The following SORCS2 variants were observed in gnomAD, a reference collection of about 807,000 sequenced individuals.
The protein encoded by SORCS2 is VPS10 domain-containing receptor SorCS2.
SORCS2 carries 100 observed loss-of-function variants against 141.6 expected under a neutral mutation model. That is an observed-to-expected ratio of 0.71 (90% confidence interval 0.60 to 0.83). The LOEUF is 0.83. SORCS2 is among the 40% of genes least tolerant of loss of function. The pLI, the probability that SORCS2 is intolerant of heterozygous loss-of-function variation, is 0.00. For missense variants in SORCS2, 1,646 were observed against 1,560.2 expected, an observed-to-expected ratio of 1.05 and a Z score of -0.93; for synonymous variants, 789 against 676.9, an observed-to-expected ratio of 1.17 and a Z score of -2.57.
At chr4:7,413,088 T>G (rs1725432573) in intron 2 of SORCS2, among the ~76,000 whole-genome samples, 1 of 152,128 alleles carries the variant, frequency 6.6e-6, no homozygotes, top group African/African-American at 2.4e-5. Flanking sequence ...TGGGTAGTGC[T>G]TTAAGAATCT....
chr4:7,715,946 A>G (rs1043016835), intron 17 of SORCS2, among the ~76,000 whole-genome samples: 6 of 152,158 alleles, frequency 3.9e-5, no homozygotes, highest in African/African-American at 1.4e-4. Flanking sequence ...TCCACAACAC[A>G]CAGTAGGTGT....
At chr4:7,618,773 G>C (rs549371925) in intron 3 of SORCS2, among the ~76,000 whole-genome samples, 1 of 152,064 alleles carries the variant, frequency 6.6e-6, no homozygotes, top group Non-Finnish European at 1.5e-5. Flanking sequence ...TATATTTGCC[G>C]TGGTTTTTTT....
intron 2 of SORCS2, among the ~76,000 whole-genome samples, chr4:7,507,771 G>C (rs1459423867): frequency 1.3e-5 from 2 of 152,112 alleles, no homozygotes; most frequent in Non-Finnish European, 2.9e-5. Flanking sequence ...AAGGCATGCT[G>C]TGTCTCTCAT....
intron 1 of SORCS2, among the ~76,000 whole-genome samples, chr4:7,265,586 G>A (rs1714671626): frequency 1.3e-5 from 2 of 152,140 alleles, no homozygotes; most frequent in Admixed American, 1.3e-4. Flanking sequence ...GGCTCCAGAT[G>A]TTCCCAGGCT....
chr4:7,705,658 G>A (rs1169614338), intron 14 of SORCS2, among the ~76,000 whole-genome samples: 1 of 152,170 alleles, frequency 6.6e-6, no homozygotes, highest in Non-Finnish European at 1.5e-5. Flanking sequence ...TATGGACTGG[G>A]ACTACACTCT....
intron 25 of SORCS2, 69 bp from the exon 26 acceptor site, chr4:7,737,000 G>A (rs541058812): frequency 8.2e-5 from 126 of 1,536,998 alleles, no homozygotes; most frequent in Non-Finnish European, 1.1e-4. Flanking sequence ...GGCGGCCAGC[G>A]GAAGGCTCCA....
intron 1 of SORCS2, among the ~76,000 whole-genome samples, chr4:7,334,139 G>A (rs985643732): frequency 8.5e-5 from 13 of 152,288 alleles, no homozygotes; most frequent in Admixed American, 2.0e-4. Context: ...GGCGGCACAA[G>A]TGAAACGTCC....
At chr4:7,670,731 G>A (rs1244276247) in intron 8 of SORCS2, among the ~76,000 whole-genome samples, 4 of 152,222 alleles carry the variant, frequency 2.6e-5, no homozygotes, top group Non-Finnish European at 5.9e-5. Context: ...CCTGGTAGAG[G>A]CTTCCCATCC....
Position 7,729,197 on chromosome 4 carries a change from G to C in SORCS2, c.2983-390G>C, listed in dbSNP as rs78955484. ...GGTGTTAGGGAGTGGGAAGGGGGAG[G>C]CAGCTGGAGTCAGTGGGGCCCGGTC... On this transcript the variant is annotated intron_variant, in intron 22 of 26. Coordinates refer to ENST00000507866, the MANE Select transcript of SORCS2 (RefSeq NM_020777.3). Among the ~76,000 whole-genome samples the C allele has an allele frequency of 4.0e-3, 604 of 152,310 alleles. 5 individuals are homozygous for C. Among genetic ancestry groups the C allele is most frequent in the African/African-American group, 0.014 (570 of 41,558 alleles).
intron 3 of SORCS2, among the ~76,000 whole-genome samples, chr4:7,569,116 C>A (rs957421138): frequency 6.6e-6 from 1 of 152,228 alleles, no homozygotes; most frequent in East Asian, 1.9e-4. Context: ...TTTTCCAGGA[C>A]TGTGCCATTG....
rs376699925 is a variant in SORCS2, at chr4:7,682,801, C to A, written c.1400C>A (p.Thr467Lys). The A allele has an allele frequency of 6.2e-7, 1 of 1,612,608 alleles. No homozygotes were observed. Among genetic ancestry groups the A allele is most frequent in the South Asian group, 1.1e-5 (1 of 90,672 alleles). Residue 467 changes from threonine (T) to lysine (K), a missense_variant, in exon 10 of 27, where the codon ACG becomes AAG. Transcript: ENST00000507866. ...CAAAAAATTGATGGGAAAGTGATGA[C>A]GCTTATAACCTACAACAAGGGCCGC... ...ANQKIDGKVM[T>K]LITYNKGRDW...
At chr4:7,322,978 T>TTA (rs970050435) in intron 1 of SORCS2, among the ~76,000 whole-genome samples, 5 of 151,666 alleles carry the variant, frequency 3.3e-5, no homozygotes, top group Admixed American at 2.0e-4. Context: ...GCCCGTTTTT[T>TTA]ATCTTTTTCT....
chr4:7,452,499 G>A (rs529722977), intron 2 of SORCS2, among the ~76,000 whole-genome samples: 6 of 152,166 alleles, frequency 3.9e-5, no homozygotes, highest in African/African-American at 7.2e-5. Flanking sequence ...ATGCTTTTCC[G>A]TTTTCACCTC....
chr4:7,232,407 G>A (rs1315926372), intron 1 of SORCS2, among the ~76,000 whole-genome samples: 3 of 152,170 alleles, frequency 2.0e-5, no homozygotes, highest in Admixed American at 2.0e-4. Flanking sequence ...GCGCCTGGAC[G>A]CCGGAGAGCG....
At chr4:7,683,779 G>A (rs571202757) in intron 10 of SORCS2, among the ~76,000 whole-genome samples, 1 of 152,262 alleles carries the variant, frequency 6.6e-6, no homozygotes, top group African/African-American at 2.4e-5. Context: ...CTATCCCAGG[G>A]GCACCTTTCT....
intron 2 of SORCS2, among the ~76,000 whole-genome samples, chr4:7,398,255 A>C (rs1380178617): frequency 6.6e-6 from 1 of 152,328 alleles, no homozygotes; most frequent in Middle Eastern, 3.4e-3. Flanking sequence ...AGCAGGTGGC[A>C]GCAGAGAGGC....
intron 1 of SORCS2, among the ~76,000 whole-genome samples, chr4:7,275,321 A>C (rs563896168): frequency 4.5e-4 from 68 of 152,326 alleles, no homozygotes; most frequent in African/African-American, 1.6e-3. Context: ...CTCTGCAGAC[A>C]GGTCTGATCA....
chr4:7,486,686 C>T (rs1731009858), intron 2 of SORCS2, among the ~76,000 whole-genome samples: 1 of 152,188 alleles, frequency 6.6e-6, no homozygotes, highest in South Asian at 2.1e-4. Context: ...CATGCTCCCC[C>T]TGGAGCCTCC....
intron 2 of SORCS2, among the ~76,000 whole-genome samples, chr4:7,420,975 G>A (rs563574717): frequency 6.6e-5 from 10 of 152,214 alleles, no homozygotes; most frequent in East Asian, 3.9e-4. Context: ...CACTCAGCAC[G>A]TGCGTACCAG....
Sources: gnomAD v4.1 joint callset for allele counts (sites outside exome capture counted in the v4.1 genomes callset) on GRCh38, gnomAD v4.1.1 for gene constraint, MANE v1.5 for transcripts, NCBI Gene and HGNC (gene_info 2026-07-23, HGNC 2026-07-21) for gene names.